Variants in NCOR1 observed in about 807,000 individuals in gnomAD.
NCOR1 encodes the protein protein phosphatase 1, regulatory subunit 109.
NCOR1 carries 63 observed loss-of-function variants against 288.1 expected under a neutral mutation model. That is an observed-to-expected ratio of 0.22 (90% CI 0.18 to 0.27). The LOEUF is 0.27. Among genes scored for constraint, NCOR1 ranks in the 10% least tolerant of loss-of-function variants. The pLI is 1.00. For synonymous variants in NCOR1, 1,007 were observed against 1,065.9 expected (o/e 0.94, Z 1.08); for missense variants, 2,397 against 3,019.2 (o/e 0.79, Z 4.83).
chr17:16,063,230 G>C (rs939665690), intron 35 of NCOR1, among the ~76,000 whole-genome samples: 3 of 152,008 alleles, frequency 2.0e-5, no homozygotes, highest in African/African-American at 7.2e-5. Context: ...ACCCAGGATG[G>C]AGTGCAGTGA....
At chr17:16,075,369 A>C (rs1358014732) in intron 27 of NCOR1, among the ~76,000 whole-genome samples, 165 bp downstream of exon 27, 1 of 152,200 alleles carries the variant, frequency 6.6e-6, no homozygotes, top group Non-Finnish European at 1.5e-5. Context: ...GCTGTTATTC[A>C]CAAAATTCTC....
Position 16,101,531 on chromosome 17 carries a change from GTGCTCCTGCTGATCTACATCCATC to G in NCOR1, c.2385_2408del (p.Gln795_Glu802del), listed in dbSNP as rs771655988. On this transcript the variant is annotated inframe_deletion, in exon 20 of 46. Transcript: ENST00000268712. ...CACAAACAGAACCCTCTTCAGCACT[GTGCTCCTGCTGATCTACATCCATC>G]TGCTCTGCTGTCTCAGCACTGATGC... is the stretch of plus-strand genomic sequence containing the variant. 1.5e-5 allele frequency: 24 copies of G among 1,614,106 alleles called. No individual in the cohort carries two copies. Among genetic ancestry groups the G allele is most frequent in the Non-Finnish European group, 1.9e-5 (22 of 1,180,048 alleles).
chr17:16,184,472 T>C (rs2086188904), intron 3 of NCOR1, among the ~76,000 whole-genome samples: 1 of 152,138 alleles, frequency 6.6e-6, no homozygotes, highest in African/African-American at 2.4e-5. Flanking sequence ...ATGTTCAGTA[T>C]CATTAGTCAT....
chr17:16,136,806 CAAAAA>C (rs60523446), intron 14 of NCOR1, among the ~76,000 whole-genome samples: 1 of 111,792 alleles, frequency 8.9e-6, no homozygotes, highest in African/African-American at 3.7e-5. Flanking sequence ...GACTCTGTTT[CAAAAA>C]AAAAAAAAAA....
chr17:16,135,158 CAAAAAAAA>C (rs577308243), intron 14 of NCOR1, among the ~76,000 whole-genome samples: 1 of 35,890 alleles, frequency 2.8e-5, no homozygotes, highest in Non-Finnish European at 6.3e-5. Context: ...GACTCCATCT[CAAAAAAAA>C]AAAAAAAAAA....
intron 1 of NCOR1, among the ~76,000 whole-genome samples, chr17:16,201,122 C>A (rs761437600): frequency 1.3e-5 from 2 of 152,172 alleles, no homozygotes; most frequent in African/African-American, 4.8e-5. Context: ...ATGCCATTAA[C>A]AAGGTATTTT....
chr17:16,109,236 T>C (rs1278416389), intron 18 of NCOR1, among the ~76,000 whole-genome samples: 9 of 151,922 alleles, frequency 5.9e-5, no homozygotes, highest in Admixed American at 3.3e-4. Flanking sequence ...TGTTATCTAA[T>C]AAAAACAATA....
intron 17 of NCOR1, among the ~76,000 whole-genome samples, 176 bp downstream of exon 17, chr17:16,119,247 G>A (rs2072461688): frequency 6.6e-6 from 1 of 152,102 alleles, no homozygotes; most frequent in Non-Finnish European, 1.5e-5. Context: ...CACACTGGGG[G>A]TACTTTATTG....
In NCOR1 at chr17:16,210,285, G is replaced by A. The variant is rs1450543203; in HGVS notation, c.-71+5077C>T. ...TGTAATCCCAGCTACTTGGGAGGCT[G>A]ACGCAGGAGAATTGCTTGAACCCAG... is the stretch of plus-strand genomic sequence containing the variant. On this transcript the variant is annotated intron_variant, in intron 1 of 45. Transcript: ENST00000268712. 3.9e-5 allele frequency among the ~76,000 whole-genome samples: 6 copies of A among 151,988 alleles called. 1 individual carries two copies. The highest frequency in any genetic ancestry group is 3.3e-4 in the Admixed American group (5 of 15,258).
chr17:16,061,529 T>G lies in NCOR1; in HGVS notation c.5753A>C (p.Glu1918Ala). Reference protein sequence around the residue: ...GPPPKSRYEEELRTRGKTTIT... With the variant: ...GPPPKSRYEEALRTRGKTTIT... Reference sequence around the variant, plus strand: ...GGTAGTCTTCCCTCTGGTCCTTAGCTCTTCCTCATATCTGGATTTTGGAGG... The same window carrying G: ...GGTAGTCTTCCCTCTGGTCCTTAGCGCTTCCTCATATCTGGATTTTGGAGG... The change falls in exon 37 of 46, where the codon GAG (glutamate) becomes GCG (alanine). Residue 1918 changes from glutamate to alanine, a missense_variant. Glu to Ala is a moderately radical substitution (Grantham distance 107). Around this residue, in one of 11 missense-constraint regions of NCOR1, gnomAD observed 1,872 missense variants for 2,187.8 expected, o/e 0.86. Transcript: ENST00000268712. 1.9e-6 allele frequency: 3 copies of G among 1,614,234 alleles called. No individual in the cohort carries two copies. The highest frequency in any genetic ancestry group is 2.5e-6 in the Non-Finnish European group (3 of 1,180,048).
chr17:16,164,383 T>G (rs2081566558), intron 5 of NCOR1, among the ~76,000 whole-genome samples: 3 of 152,176 alleles, frequency 2.0e-5, no homozygotes, highest in South Asian at 4.1e-4. Context: ...ATCCTAAAAA[T>G]TTCAATGACA....
Position 16,072,014 on chromosome 17 carries a change from T to C in NCOR1, c.3895+131A>G, listed in dbSNP as rs2061814704. 5.7e-6 allele frequency: 4 copies of C among 702,712 alleles called. No homozygotes were observed. In the South Asian group the frequency reaches 9.8e-5, roughly 17 times the overall value. The allele number at this position is 702,712 out of a possible 1,614,324, so 43.5% of individuals were successfully genotyped here. ...ATTATGTAGCTCAGAGGCAGAAAAG[T>C]AATAACCAAGACTTTAATATTTCAA... On this transcript the variant is annotated intron_variant, in intron 29 of 45. Coordinates refer to ENST00000268712, the MANE Select transcript of NCOR1 (RefSeq NM_006311.4).
intron 5 of NCOR1, among the ~76,000 whole-genome samples, chr17:16,164,621 A>G (rs1225311097): frequency 6.6e-6 from 1 of 152,190 alleles, no homozygotes; most frequent in African/African-American, 2.4e-5. Flanking sequence ...ATTTAGTATC[A>G]TCTATTAAAT....
At position 16,091,959 on chromosome 17, in the gene NCOR1, C is replaced by G. The variant is rs1598441073; in HGVS notation, c.2920G>C (p.Glu974Gln). Residue 974 changes from glutamate (E) to glutamine (Q), a missense_variant, in exon 22 of 46, where the codon GAG (glutamate) becomes CAG (glutamine). Glu to Gln is a conservative substitution (Grantham distance 29). Around this residue, in one of 11 missense-constraint regions of NCOR1, gnomAD observed 1,872 missense variants for 2,187.8 expected, o/e 0.86. Transcript: ENST00000268712. ...IKAMHESALLEEQRQRQEQID... is the reference protein window; with the variant it reads ...IKAMHESALLQEQRQRQEQID... ...TGTTCTTGTCTCTGCCGCTGCTCCT[C>G]CAGGAGTGCTGACTCATGCATTGCT... is the stretch of plus-strand genomic sequence containing the variant. 4.3e-6 allele frequency: 7 copies of G among 1,614,234 alleles called. No homozygotes were observed. The Middle Eastern group carries it at 5.0e-4, about 114-fold the overall frequency.
intron 19 of NCOR1, chr17:16,108,283 T>C: frequency 3.0e-6 from 1 of 328,406 alleles, no homozygotes; most frequent in African/African-American, 2.2e-5. Context: ...CATTTACCTT[T>C]CCATGAACTT....
chr17:16,171,804 T>A lies in NCOR1; in HGVS notation c.434A>T (p.Lys145Met). 1 of 1,577,814 alleles carries A rather than the reference T, an allele frequency of 6.3e-7. No homozygotes were observed. The highest frequency in any genetic ancestry group is 1.2e-5 in the South Asian group (1 of 85,370). Residue 145 changes from lysine to methionine, a missense_variant and splice_region_variant, in exon 4 of 46, where the codon AAG becomes ATG. Lys to Met is a moderately conservative substitution (Grantham distance 95). Around this residue, in one of 11 missense-constraint regions of NCOR1, gnomAD observed 110 missense variants for 123.2 expected, o/e 0.89. Transcript: ENST00000268712. Reference sequence around the variant, plus strand: ...CAGGGTAAGAGAACAAATATTTACCTTCTTAGCATCTGCAGAAGCCCTCAG... The same window carrying A: ...CAGGGTAAGAGAACAAATATTTACCATCTTAGCATCTGCAGAAGCCCTCAG... ...EGLRASADAK[K>M]DPAFGGKHEA... is the part of the protein sequence containing the mutation.
At chr17:16,149,866 G>A (rs1433645326) in intron 8 of NCOR1, among the ~76,000 whole-genome samples, 1 of 152,112 alleles carries the variant, frequency 6.6e-6, no homozygotes, top group African/African-American at 2.4e-5. Context: ...GAGAAGGGAG[G>A]TAGAAGAGAA....
At chr17:16,205,394 G>A (rs1343116554) in intron 1 of NCOR1, among the ~76,000 whole-genome samples, 1 of 152,076 alleles carries the variant, frequency 6.6e-6, no homozygotes, top group Non-Finnish European at 1.5e-5. Flanking sequence ...AGGCCGAGGT[G>A]GGTGGATCAC....
At chr17:16,089,148 G>C (rs2064752591) in intron 22 of NCOR1, among the ~76,000 whole-genome samples, 1 of 148,292 alleles carries the variant, frequency 6.7e-6, no homozygotes, top group South Asian at 2.1e-4. Flanking sequence ...TTAAATGATG[G>C]AAATTGGATG....
Sources: allele counts gnomAD v4.1 joint callset (sites outside exome capture counted in the v4.1 genomes callset), GRCh38; gene constraint gnomAD v4.1.1; regional missense constraint gnomAD v4.1.1; transcripts MANE v1.5; gene names NCBI Gene and HGNC (gene_info 2026-07-23, HGNC 2026-07-21).